The following DPP10 variants were observed in gnomAD, a reference collection of about 807,000 sequenced individuals.
DPP10 encodes the protein inactive dipeptidyl peptidase 10.
In DPP10, 33 loss-of-function variants were observed where a neutral mutation model predicts 120.9. That is an observed-to-expected ratio of 0.27 (90% CI 0.21 to 0.37). DPP10 has a LOEUF of 0.37. Ranked by LOEUF, DPP10 falls within the 10% of genes least tolerant of loss-of-function variation. DPP10 has a pLI of 1.00. For synonymous variants in DPP10, 337 were observed against 326.1 expected, an observed-to-expected ratio of 1.03 and a Z score of -0.36; for missense variants, 816 against 942.8, an observed-to-expected ratio of 0.87 and a Z score of 1.76.
intron 1 of DPP10, among the ~76,000 whole-genome samples, chr2:114,760,853 T>C (rs1553421462): frequency 6.6e-6 from 1 of 152,130 alleles, no homozygotes; most frequent in Non-Finnish European, 1.5e-5. Flanking sequence ...TACTTGGAAA[T>C]AGTCAAGAAA....
At chr2:115,256,721 C>T (rs1346786447) in intron 1 of DPP10, among the ~76,000 whole-genome samples, 1 of 152,192 alleles carries the variant, frequency 6.6e-6, no homozygotes, top group South Asian at 2.1e-4. Context: ...CTTCACAGCC[C>T]ACTTGGATTC....
chr2:115,134,451 T>C (rs988524341), intron 1 of DPP10, among the ~76,000 whole-genome samples: 5 of 152,182 alleles, frequency 3.3e-5, no homozygotes, highest in African/African-American at 1.2e-4. Context: ...ATATGAAATA[T>C]GTGTTACTAT....
At chr2:115,529,375 G>C (rs1469012005) in intron 5 of DPP10, among the ~76,000 whole-genome samples, 2 of 151,744 alleles carry the variant, frequency 1.3e-5, no homozygotes, top group East Asian at 3.9e-4. Context: ...CACCATGTTG[G>C]TCAGGCTGGA....
intron 4 of DPP10, among the ~76,000 whole-genome samples, chr2:115,508,722 G>A (rs2077076395): frequency 6.6e-6 from 1 of 152,114 alleles, no homozygotes; most frequent in Non-Finnish European, 1.5e-5. Flanking sequence ...GGCCAACATG[G>A]CGAAACCCCA....
intron 5 of DPP10, among the ~76,000 whole-genome samples, chr2:115,679,306 G>A (rs1378611503): frequency 1.3e-5 from 2 of 152,114 alleles, no homozygotes; most frequent in Non-Finnish European, 2.9e-5. Context: ...CCTGATGGGA[G>A]GTAATTGAAT....
chr2:114,756,563 T>C (rs980405041), intron 1 of DPP10, among the ~76,000 whole-genome samples: 2 of 152,258 alleles, frequency 1.3e-5, no homozygotes, highest in Non-Finnish European at 2.9e-5. Flanking sequence ...TTCTCAGTTC[T>C]AGCTGCACGT....
chr2:115,255,980 G>A (rs189306596), intron 1 of DPP10, among the ~76,000 whole-genome samples: 252 of 152,272 alleles, frequency 1.7e-3, no homozygotes, highest in Middle Eastern at 3.4e-3. Context: ...TTCAAAAGCC[G>A]CTTCCACGTT....
intron 1 of DPP10, among the ~76,000 whole-genome samples, chr2:114,716,490 C>T (rs1701355182): frequency 6.6e-6 from 1 of 152,166 alleles, no homozygotes; most frequent in African/African-American, 2.4e-5. Context: ...ATATACCAAA[C>T]TGTACACAGG....
chr2:114,761,831 A>G (rs940517967), intron 1 of DPP10, among the ~76,000 whole-genome samples: 6 of 152,210 alleles, frequency 3.9e-5, no homozygotes, highest in Non-Finnish European at 7.3e-5. Flanking sequence ...TAGGAATTCC[A>G]AATTCCAAGT....
intron 1 of DPP10, among the ~76,000 whole-genome samples, chr2:114,506,601 A>T (rs1025668943): frequency 6.6e-6 from 1 of 151,860 alleles, no homozygotes; most frequent in Admixed American, 6.6e-5. Flanking sequence ...TGTTGCAGGC[A>T]CCCCCCTAGA....
At chr2:115,797,595 C>A (rs976323848) in intron 19 of DPP10, among the ~76,000 whole-genome samples, 2 of 151,868 alleles carry the variant, frequency 1.3e-5, no homozygotes, top group Admixed American at 6.6e-5. Flanking sequence ...GTATCTTTGT[C>A]ATTTACATGG....
At chr2:115,477,975 C>A (rs1161990689) in intron 3 of DPP10, among the ~76,000 whole-genome samples, 2 of 152,056 alleles carry the variant, frequency 1.3e-5, no homozygotes, top group South Asian at 4.1e-4. Context: ...ACATTGTGAG[C>A]AGGAGCACAA....
At chr2:114,523,096 G>T (rs371872941) in intron 1 of DPP10, among the ~76,000 whole-genome samples, 1 of 152,146 alleles carries the variant, frequency 6.6e-6, no homozygotes, top group African/African-American at 2.4e-5. Flanking sequence ...TTGAGTGAGT[G>T]CTCCTTAGAG....
chr2:114,544,144 G>T (rs961625203), intron 1 of DPP10, among the ~76,000 whole-genome samples: 1 of 152,150 alleles, frequency 6.6e-6, no homozygotes, highest in Non-Finnish European at 1.5e-5. Flanking sequence ...AAGTGCTTTG[G>T]GGAAAAAGTA....
At chr2:115,480,170 C>G (rs1448459) in intron 3 of DPP10, among the ~76,000 whole-genome samples, 125,875 of 152,132 alleles carry the variant, frequency 0.83, 55,154 homozygotes, top group Non-Finnish European at 0.97. Flanking sequence ...GGAATTCTGG[C>G]TCCCCCGTTC....
rs980198846 is a variant in DPP10 at position 115,278,537 on chromosome 2, C to T, written c.61-30702C>T. ...GGTCCTGCAGACTGTACAAGAAGCA[C>T]GGTGCCAACATCTGCTTGGCTTCTG... On this transcript the variant is annotated intron_variant, in intron 1 of 25. Coordinates refer to ENST00000410059, the MANE Select transcript of DPP10 (RefSeq NM_020868.6). 5.9e-5 allele frequency among the ~76,000 whole-genome samples: 9 copies of T among 152,016 alleles called. No homozygotes were observed. In the South Asian group the frequency reaches 6.2e-4, roughly 10 times the overall value.
At chr2:114,518,626 G>A (rs1489327922) in intron 1 of DPP10, among the ~76,000 whole-genome samples, 1 of 152,108 alleles carries the variant, frequency 6.6e-6, no homozygotes, top group Non-Finnish European at 1.5e-5. Context: ...TTCTCCAGCT[G>A]TCCTCCCCGG....
chr2:115,815,035 C>G, intron 20 of DPP10, 48 bp downstream of exon 20: 1 of 1,530,680 alleles, frequency 6.5e-7, no homozygotes, highest in Non-Finnish European at 8.9e-7. Flanking sequence ...ATGACAGAGT[C>G]TTGGTATATG....
At chr2:115,052,357 T>C (rs1705561456) in intron 1 of DPP10, among the ~76,000 whole-genome samples, 3 of 152,124 alleles carry the variant, frequency 2.0e-5, no homozygotes, top group African/African-American at 7.2e-5. Flanking sequence ...ACTTTTTATA[T>C]ATTGAAATAT....
Sources: allele counts gnomAD v4.1 joint callset (sites outside exome capture counted in the v4.1 genomes callset), GRCh38; gene constraint gnomAD v4.1.1; transcripts MANE v1.5; gene names NCBI Gene and HGNC (gene_info 2026-07-23, HGNC 2026-07-21).